Variants in PTPN4 observed in about 807,000 individuals in gnomAD.
The protein encoded by PTPN4 is tyrosine-protein phosphatase non-receptor type 4.
Under a neutral mutation model 135.5 loss-of-function variants are expected in PTPN4, and 49 were observed. The ratio of observed to expected loss-of-function variants is 0.36; its 90% CI spans 0.29 to 0.46. The LOEUF is 0.46. PTPN4 is among the 20% of genes least tolerant of loss of function. PTPN4 has a pLI of 1.00. For missense variants in PTPN4, 860 were observed against 1,101.0 expected (o/e 0.78, Z 3.10); for synonymous variants, 333 against 369.9 (o/e 0.90, Z 1.14).
intron 2 of PTPN4, 61 bp downstream of exon 2, chr2:119,810,052 A>T: frequency 6.7e-7 from 1 of 1,497,264 alleles, no homozygotes; most frequent in South Asian, 1.3e-5. Flanking sequence ...TTAGACATAT[A>T]TGTAAACTAG....
chr2:119,915,866 G>C (rs1678645778), intron 11 of PTPN4: 1 of 152,116 alleles, frequency 6.6e-6, no homozygotes, highest in African/African-American at 2.4e-5. Flanking sequence ...GGTTGTGTGT[G>C]TATGTGTGTA....
intron 22 of PTPN4, among the ~76,000 whole-genome samples, chr2:119,960,495 T>C (rs1679350754): frequency 6.6e-6 from 1 of 152,136 alleles, no homozygotes; most frequent in Non-Finnish European, 1.5e-5. Flanking sequence ...AAAATCATAA[T>C]CGGCCGGGTG....
At chr2:119,851,656 G>C (rs917520626) in intron 2 of PTPN4, among the ~76,000 whole-genome samples, 1 of 152,162 alleles carries the variant, frequency 6.6e-6, no homozygotes, top group Non-Finnish European at 1.5e-5. Context: ...CTGCTATTTT[G>C]TCTCTTAATG....
At chr2:119,879,293 AAT>A (rs1339083978) in intron 5 of PTPN4, among the ~76,000 whole-genome samples, 5 of 152,224 alleles carry the variant, frequency 3.3e-5, no homozygotes, top group Non-Finnish European at 7.3e-5. Context: ...TAAGGAAATA[AAT>A]ATGTTTCACT....
At chr2:119,899,212 G>C (rs1041817982) in intron 9 of PTPN4, among the ~76,000 whole-genome samples, 19 of 152,226 alleles carry the variant, frequency 1.2e-4, no homozygotes, top group African/African-American at 4.3e-4. Flanking sequence ...TTTTAGACAG[G>C]CTTCACACTT....
chr2:119,940,850 G>C (rs1274770097), intron 15 of PTPN4, among the ~76,000 whole-genome samples: 1 of 151,912 alleles, frequency 6.6e-6, no homozygotes, highest in Non-Finnish European at 1.5e-5. Flanking sequence ...GATTTTCAAG[G>C]GTTGTTCATT....
At chr2:119,897,483 C>G (rs1457299316) in intron 9 of PTPN4, among the ~76,000 whole-genome samples, 1 of 152,128 alleles carries the variant, frequency 6.6e-6, no homozygotes, top group African/African-American at 2.4e-5. Context: ...TATTGAGATA[C>G]ACAGAATATT....
intron 2 of PTPN4, among the ~76,000 whole-genome samples, chr2:119,859,317 G>C (rs2104985669): frequency 6.6e-6 from 1 of 152,216 alleles, no homozygotes. Context: ...AATGATTTTA[G>C]GTAGTATCTC....
At chr2:119,925,421 G>A (rs1042974301) in intron 12 of PTPN4, among the ~76,000 whole-genome samples, 1 of 152,136 alleles carries the variant, frequency 6.6e-6, no homozygotes, top group African/African-American at 2.4e-5. Flanking sequence ...AAAAAGTTAA[G>A]CTTTGCGTTT....
intron 9 of PTPN4, among the ~76,000 whole-genome samples, chr2:119,891,217 T>C (rs946173588): frequency 2.0e-5 from 3 of 152,214 alleles, no homozygotes; most frequent in Non-Finnish European, 4.4e-5. Flanking sequence ...AAGACCTGTC[T>C]TCAAGTTCCA....
chr2:119,932,421 C>A lies in PTPN4; in HGVS notation c.1071-3C>A. 1 of 1,595,584 alleles carries A rather than the reference C, an allele frequency of 6.3e-7. No homozygotes were observed. Among genetic ancestry groups the A allele is most frequent in the South Asian group, 1.1e-5 (1 of 87,350 alleles). ...TAACATATTATTTAATTTATTTCTG[C>A]AGATCCCCAAGTAAGCCCTTGGCAC... On this transcript the variant is annotated splice_polypyrimidine_tract_variant and splice_region_variant and intron_variant, in intron 13 of 26. Transcript: ENST00000263708.
chr2:119,903,698 A>G (rs1043862631), intron 10 of PTPN4, among the ~76,000 whole-genome samples: 2 of 151,966 alleles, frequency 1.3e-5, no homozygotes, highest in African/African-American at 4.8e-5. Flanking sequence ...TGTCCCCCAC[A>G]TGCATAGCTC....
chr2:119,962,498 A>C, intron 23 of PTPN4, 118 bp from the exon 24 acceptor site: 1 of 590,396 alleles, frequency 1.7e-6, no homozygotes, highest in Non-Finnish European at 2.4e-6. Context: ...GAAATTTATT[A>C]AATTTTTCTT....
chr2:119,802,565 AC>A (rs1691396448), intron 1 of PTPN4, among the ~76,000 whole-genome samples: 1 of 152,014 alleles, frequency 6.6e-6, no homozygotes, highest in Admixed American at 6.5e-5. Flanking sequence ...TTGAAATAAA[AC>A]CCCCTTGGTA....
At chr2:119,843,277 C>T (rs1400304497) in intron 2 of PTPN4, among the ~76,000 whole-genome samples, 2 of 136,072 alleles carry the variant, frequency 1.5e-5, no homozygotes, top group Non-Finnish European at 3.1e-5. Context: ...GTGGACACAG[C>T]ACATGTTTCA....
intron 11 of PTPN4, 181 bp downstream of exon 11, chr2:119,915,423 G>T: frequency 2.5e-6 from 1 of 394,918 alleles, no homozygotes; most frequent in Non-Finnish European, 4.5e-6. Context: ...GTGTGTATGT[G>T]GTTCTAATTT....
chr2:119,788,823 A>G (rs1691090112), intron 1 of PTPN4, among the ~76,000 whole-genome samples: 1 of 152,274 alleles, frequency 6.6e-6, no homozygotes, highest in South Asian at 2.1e-4. Context: ...TTATCTCCTC[A>G]ATGGACACTT....
At chr2:119,890,579 T>C (rs1317200561) in intron 9 of PTPN4, among the ~76,000 whole-genome samples, 1 of 152,162 alleles carries the variant, frequency 6.6e-6, no homozygotes, top group Non-Finnish European at 1.5e-5. Flanking sequence ...ATTATATGTA[T>C]TCTGTGTTTC....
At chr2:119,795,596 A>G (rs1171120577) in intron 1 of PTPN4, among the ~76,000 whole-genome samples, 1 of 152,228 alleles carries the variant, frequency 6.6e-6, no homozygotes, top group Non-Finnish European at 1.5e-5. Flanking sequence ...CGTTGACAAC[A>G]GGGAGAGGCC....
Sources: allele counts gnomAD v4.1 joint callset (sites outside exome capture counted in the v4.1 genomes callset), GRCh38; gene constraint gnomAD v4.1.1; transcripts MANE v1.5; gene names NCBI Gene and HGNC (gene_info 2026-07-23, HGNC 2026-07-21).